Variants in FLG2 observed in about 807,000 individuals in gnomAD.
FLG2 encodes filaggrin-2.
A neutral mutation model predicts 3.9 loss-of-function variants in FLG2; 7 were observed. That is an observed-to-expected ratio of 1.79 (90% confidence interval 1.02 to 3.36). The LOEUF (loss-of-function observed/expected upper bound fraction) is 3.36. FLG2 is among the 30% of genes most tolerant of loss of function. The pLI is 0.00. For missense variants in FLG2, 2,700 were observed against 2,809.4 expected (o/e 0.96, Z 0.88); for synonymous variants, 1,031 against 1,056.1 (o/e 0.98, Z 0.46).
rs776889537 is a variant in FLG2, at chr1:152,354,543, A to T, written c.3243T>A (p.Ser1081=). 8.1e-6 allele frequency: 13 copies of T among 1,614,060 alleles called. No homozygotes were observed. The highest frequency in any genetic ancestry group is 1.1e-5 in the Non-Finnish European group (13 of 1,180,018). The change falls in exon 3 of 3, where the codon TCT becomes TCA. Residue 1081 remains serine, a synonymous_variant. Transcript: ENST00000388718. ...SRQSSYGQHG[S]GSSQSSGYGQ... is the part of the protein sequence containing the mutation. ...CATAGCCAGATGATTGACTTGAGCC[A>T]GAACCATGTTGGCCATAGCTAGACT...
At position 152,349,089 on chromosome 1, in the gene FLG2, T is replaced by C. The variant is rs1327992494; in HGVS notation, c.*1521A>G. On this transcript the variant is annotated 3_prime_UTR_variant, in exon 3 of 3. Transcript: ENST00000388718. ...CCCAACCACACAAATCTCTCTTTAT[T>C]ATATAGTTCTGAATATAGCCCCAAA... The C allele has an allele frequency of 6.6e-6, 1 of 152,190 alleles. No homozygotes were observed. Among genetic ancestry groups the C allele is most frequent in the African/African-American group, 2.4e-5 (1 of 41,442 alleles). The allele number at this position is 152,190 out of a possible 1,614,324, so 9.4% of individuals were successfully genotyped here.
At position 152,353,856 on chromosome 1, in the gene FLG2, T is replaced by C; in HGVS notation, c.3930A>G (p.Arg1310=). The change falls in exon 3 of 3, where the codon AGA becomes AGG. Residue 1310 remains arginine (R), a synonymous_variant. Coordinates refer to ENST00000388718, the MANE Select transcript of FLG2 (RefSeq NM_001014342.3). ...CTCTCTGTCCATGAGTAGTTCCTTG[T>C]CTTCTGCGAACTGTGGATCCTGACT... The part of the protein sequence containing the change: ...YPKSGSTVRR[R]QGTTHGQRGD... The C allele has an allele frequency of 6.2e-7, 1 of 1,614,190 alleles. No individual in the cohort carries two copies. The highest frequency in any genetic ancestry group is 8.5e-7 in the Non-Finnish European group (1 of 1,180,000).
In FLG2 at chr1:152,352,854, C is replaced by T; in HGVS notation, c.4932G>A (p.Arg1644=). ...GHGQSTQRGS[R]TTGRQRSSHS... ...GGCTAGATCTCTGTCTTCCAGTTGTCCTGGACCCTCTCTGTGTGGACTGTC... is the reference window on the plus strand; with the variant it reads ...GGCTAGATCTCTGTCTTCCAGTTGTTCTGGACCCTCTCTGTGTGGACTGTC... The change falls in exon 3 of 3, where the codon AGG becomes AGA. Residue 1644 remains arginine (R), a synonymous_variant. Transcript: ENST00000388718. 6.2e-7 allele frequency: 1 copy of T among 1,612,106 alleles called. No homozygotes were observed. Among genetic ancestry groups the T allele is most frequent in the Non-Finnish European group, 8.5e-7 (1 of 1,179,384 alleles).
At position 152,354,193 on chromosome 1, in the gene FLG2, T is replaced by G. The variant is rs1316544011; in HGVS notation, c.3593A>C (p.Asp1198Ala). 2 of 1,613,486 alleles carry G rather than the reference T, an allele frequency of 1.2e-6. No individual in the cohort carries two copies. The highest frequency in any genetic ancestry group is 1.3e-5 in the African/African-American group (1 of 74,746). ...NFSSSGQHISDSGQSTGFGQY... is the reference protein window; with the variant it reads ...NFSSSGQHISASGQSTGFGQY... ...GCCAAATCCAGTGGACTGACCTGAG[T>G]CAGATATATGTTGTCCAGAACTAGA... The change falls in exon 3 of 3, where the codon GAC becomes GCC. Residue 1198 changes from aspartate (D) to alanine (A), a missense_variant. By Grantham distance (126) the Asp-to-Ala change is moderately radical. Coordinates refer to ENST00000388718, the MANE Select transcript of FLG2 (RefSeq NM_001014342.3).
rs1653814251 is a variant in FLG2 at position 152,349,238 on chromosome 1, C to T, written c.*1372G>A. 1.3e-5 allele frequency: 2 copies of T among 152,068 alleles called. No individual in the cohort carries two copies. Among genetic ancestry groups the T allele is most frequent in the Admixed American group, 6.6e-5 (1 of 15,260 alleles). 9.4% of individuals were successfully genotyped at this position (152,068 alleles called of 1,614,324 possible). ...CTCGGCTCACTGCAACCTCTGCCTC[C>T]CGGGTTCAACCAATTCTCCTGCCTC... is the stretch of plus-strand genomic sequence containing the variant. On this transcript the variant is annotated 3_prime_UTR_variant, in exon 3 of 3. Transcript: ENST00000388718.
At chr1:152,357,839 CAGA>C (rs1324874119) in intron 2 of FLG2, among the ~76,000 whole-genome samples, 192 bp from the exon 3 acceptor site, 4 of 152,220 alleles carry the variant, frequency 2.6e-5, no homozygotes, top group African/African-American at 9.6e-5. Context: ...CTGGGATCCT[CAGA>C]AGAAGACATT....
chr1:152,351,799 G>C lies in FLG2; in HGVS notation c.5987C>G (p.Thr1996Ser), dbSNP rs539533778. 6.2e-7 allele frequency: 1 copy of C among 1,612,696 alleles called. No individual in the cohort carries two copies. Among genetic ancestry groups the C allele is most frequent in the Non-Finnish European group, 8.5e-7 (1 of 1,179,880 alleles). ...GGTATCTGCTGTTTGTCCATGAGTA[G>C]TTCCGTGTCTCTCATGAACTGAGGA... The part of the protein sequence containing the change: ...SGSSVHERHG[T>S]THGQTADTTR... The change falls in exon 3 of 3, where the codon ACT (threonine) becomes AGT (serine). Residue 1996 changes from threonine (T) to serine (S), a missense_variant. Transcript: ENST00000388718.
chr1:152,354,986 C>A lies in FLG2; in HGVS notation c.2800G>T (p.Gly934Cys). The A allele has an allele frequency of 2.5e-6, 4 of 1,590,010 alleles. No homozygotes were observed. Among genetic ancestry groups the A allele is most frequent in the East Asian group, 2.5e-5 (1 of 39,878 alleles). Residue 934 changes from glycine to cysteine, a missense_variant, in exon 3 of 3, where the codon GGC becomes TGC. Gly to Cys is a radical substitution (Grantham distance 159, BLOSUM62 -3). Transcript: ENST00000388718. ...GAACTTGACCCATGTTGACCATAGCCAGATGACTGACTTGAGCCAGAACCA... is the reference window on the plus strand; with the variant it reads ...GAACTTGACCCATGTTGACCATAGCAAGATGACTGACTTGAGCCAGAACCA... The part of the protein sequence containing the change: ...QHGSGSSQSS[G>C]YGQHGSSSGQ...
rs142283343 is a variant in FLG2, at chr1:152,350,815, C to A, written c.6971G>T (p.Arg2324Ile). Residue 2324 changes from arginine to isoleucine, a missense_variant, in exon 3 of 3, where the codon AGA becomes ATA. Transcript: ENST00000388718. ...ACTATGTGACTGAAAATGACTTGCT[C>A]TACTAGATCTGGAACCTGTCTGTGT... ...QSTQTGSRSSRASHFQSHSSE... is the reference protein window; with the variant it reads ...QSTQTGSRSSIASHFQSHSSE... The A allele has an allele frequency of 3.7e-6, 6 of 1,614,224 alleles. No individual in the cohort carries two copies. Among genetic ancestry groups the A allele is most frequent in the African/African-American group, 1.3e-5 (1 of 75,058 alleles).
rs1570936585 is a variant in FLG2 at position 152,351,728 on chromosome 1, A to G, written c.6058T>C (p.Ser2020Pro). 2.5e-6 allele frequency: 4 copies of G among 1,606,246 alleles called. No individual in the cohort carries two copies. The East Asian group carries it at 9.0e-5, about 36-fold the overall frequency. The part of the protein sequence containing the change: ...SGHGQSTQRG[S>P]RTTGRRASGH... ...GATGCCCTTCTTCCAGTTGTCCTGG[A>G]CCCTCTCTGTGTGGACTGTCCATGA... The change falls in exon 3 of 3, where the codon TCC (serine) becomes CCC (proline). Residue 2020 changes from serine (S) to proline (P), a missense_variant. Transcript: ENST00000388718.
In FLG2 at chr1:152,351,887, C is replaced by T. The variant is rs898090743; in HGVS notation, c.5899G>A (p.Val1967Ile). ...GTGTGTCCTGAATGTGTGTGTGAGA[C>T]CCCTGAGGGCCCTTCACTGTCACTG... ...EYSDSEGPSG[V>I]SHTHSGHTHG... The change falls in exon 3 of 3, where the codon GTC becomes ATC. Residue 1967 changes from valine to isoleucine, a missense_variant. Physicochemically the swap from Val to Ile is conservative, Grantham distance 29 (BLOSUM62 3). Transcript: ENST00000388718. 11 of 1,613,348 alleles carry T rather than the reference C, an allele frequency of 6.8e-6. No individual in the cohort carries two copies. The Admixed American group carries it at 1.0e-4, about 15-fold the overall frequency.
chr1:152,355,555 C>T lies in FLG2; in HGVS notation c.2231G>A (p.Gly744Asp), dbSNP rs1309777345. ...QHGSGSGQSSGFGQHGSGSGQ... is the reference protein window; with the variant it reads ...QHGSGSGQSSDFGQHGSGSGQ... Reference sequence around the variant, plus strand: ...TGAGCCAGACCCATGTTGTCCAAAGCCAGAGGACTGACCTGAGCCTGATCC... The same window carrying T: ...TGAGCCAGACCCATGTTGTCCAAAGTCAGAGGACTGACCTGAGCCTGATCC... The change falls in exon 3 of 3, where the codon GGC (glycine) becomes GAC (aspartate). Residue 744 changes from glycine (G) to aspartate (D), a missense_variant. Physicochemically the swap from Gly to Asp is moderately conservative, Grantham distance 94 (BLOSUM62 -1). Coordinates refer to ENST00000388718, the MANE Select transcript of FLG2 (RefSeq NM_001014342.3). 1.9e-6 allele frequency: 3 copies of T among 1,613,804 alleles called. No individual in the cohort carries two copies. Among genetic ancestry groups the T allele is most frequent in the Admixed American group, 3.3e-5 (2 of 59,980 alleles).
Position 152,353,572 on chromosome 1 carries a change from C to A in FLG2, c.4214G>T (p.Gly1405Val), listed in dbSNP as rs148922020. The A allele has an allele frequency of 6.2e-7, 1 of 1,613,296 alleles. No homozygotes were observed. Among genetic ancestry groups the A allele is most frequent in the East Asian group, 2.2e-5 (1 of 44,830 alleles). The change falls in exon 3 of 3, where the codon GGT becomes GTT. Residue 1405 changes from glycine (G) to valine (V), a missense_variant. Transcript: ENST00000388718. ...TGEATGHGHS[G>V]HGQSTQRGSR... ...CCCTCTCTGTGTGGACTGTCCATGA[C>A]CAGAGTGGCCATGTCCAGTGGCCTC...
chr1:152,355,723 G>A lies in FLG2; in HGVS notation c.2063C>T (p.Ser688Leu). ...SSGFGQHESR[S>L]GHSSYGQHGF... ...ATGTTGGCCATAGCTAGAATGACCTGATCTAGACTCATGTTGTCCAAAACC... is the reference window on the plus strand; with the variant it reads ...ATGTTGGCCATAGCTAGAATGACCTAATCTAGACTCATGTTGTCCAAAACC... The change falls in exon 3 of 3, where the codon TCA becomes TTA. Residue 688 changes from serine (S) to leucine (L), a missense_variant. By Grantham distance (145) the Ser-to-Leu change is moderately radical (BLOSUM62 -2). Coordinates refer to ENST00000388718, the MANE Select transcript of FLG2 (RefSeq NM_001014342.3). The A allele has an allele frequency of 6.2e-7, 1 of 1,613,740 alleles. No individual in the cohort carries two copies. Among genetic ancestry groups the A allele is most frequent in the African/African-American group, 1.3e-5 (1 of 74,860 alleles).
In FLG2 at chr1:152,349,570, T is replaced by C. The variant is rs1204104372; in HGVS notation, c.*1040A>G. ...TGAAAGAACAGACATATACCCTTAC[T>C]ACCAAAAGAGGAGATCATGTTAAAT... On this transcript the variant is annotated 3_prime_UTR_variant, in exon 3 of 3. Coordinates refer to ENST00000388718, the MANE Select transcript of FLG2 (RefSeq NM_001014342.3). 6.5e-6 allele frequency: 1 copy of C among 152,696 alleles called. No homozygotes were observed. Among genetic ancestry groups the C allele is most frequent in the Non-Finnish European group, 1.5e-5 (1 of 68,052 alleles). 9.5% of individuals were successfully genotyped at this position (152,696 alleles called of 1,614,324 possible). A position where few individuals can be genotyped will look rare whatever the true frequency, so the allele number is the denominator to read the frequency against.
In FLG2 at chr1:152,357,495, T is replaced by C. The variant is rs766570651; in HGVS notation, c.291A>G (p.Ser97=). 2 of 1,614,190 alleles carry C rather than the reference T, an allele frequency of 1.2e-6. No individual in the cohort carries two copies. Among genetic ancestry groups the C allele is most frequent in the South Asian group, 1.1e-5 (1 of 91,076 alleles). The change falls in exon 3 of 3, where the codon TCA becomes TCG. Residue 97 remains serine, a synonymous_variant. Transcript: ENST00000388718. ...GACCACGCCTATGCTTCTTTGACCC[T>C]GAAGCTTTGCAGTATTCTTTGCTGA... ...KVLSKEYCKA[S]GSKKHRRGHR...
Position 152,351,899 on chromosome 1 carries a change from C to T in FLG2, c.5887G>A (p.Gly1963Arg). The change falls in exon 3 of 3, where the codon GGG becomes AGG. Residue 1963 changes from glycine to arginine, a missense_variant. Gly to Arg is a moderately radical substitution (Grantham distance 125, BLOSUM62 -2). Coordinates refer to ENST00000388718, the MANE Select transcript of FLG2 (RefSeq NM_001014342.3). The part of the protein sequence containing the change: ...SGHSEYSDSE[G>R]PSGVSHTHSG... The stretch of plus-strand genomic sequence containing the variant: ...TGTGTGTGTGAGACCCCTGAGGGCC[C>T]TTCACTGTCACTGTACTCACTGTGG... 6.2e-7 allele frequency: 1 copy of T among 1,613,842 alleles called. No homozygotes were observed. The highest frequency in any genetic ancestry group is 1.1e-5 in the South Asian group (1 of 91,066).
Position 152,354,334 on chromosome 1 carries a change from G to T in FLG2, c.3452C>A (p.Ser1151Tyr). Residue 1151 changes from serine to tyrosine, a missense_variant, in exon 3 of 3, where the codon TCT becomes TAT. Ser to Tyr is a moderately radical substitution (Grantham distance 144). Coordinates refer to ENST00000388718, the MANE Select transcript of FLG2 (RefSeq NM_001014342.3). Reference protein sequence around the residue: ...FAQHEYRSGQSSYGQHGTGSS... With the variant: ...FAQHEYRSGQYSYGQHGTGSS... ...GCCAGTACCATGTTGGCCATAGCTA[G>T]ACTGACCTGATCTGTACTCATGCTG... 1 of 1,614,226 alleles carries T rather than the reference G, an allele frequency of 6.2e-7. No homozygotes were observed. Among genetic ancestry groups the T allele is most frequent in the Non-Finnish European group, 8.5e-7 (1 of 1,180,048 alleles).
In FLG2 at chr1:152,354,849, T is replaced by C; in HGVS notation, c.2937A>G (p.Ser979=). 1 of 1,603,124 alleles carries C rather than the reference T, an allele frequency of 6.2e-7. No homozygotes were observed. The highest frequency in any genetic ancestry group is 8.5e-7 in the Non-Finnish European group (1 of 1,176,360). The change falls in exon 3 of 3, where the codon TCA becomes TCG. Residue 979 remains serine (S), a synonymous_variant. Coordinates refer to ENST00000388718, the MANE Select transcript of FLG2 (RefSeq NM_001014342.3). ...GQSSGFGQHE[S]GSGKSSGFGQ... ...CAAAGCCAGAGGATTTTCCTGAGCCTGACTCATGTTGTCCAAAGCCAGAGG... is the reference window on the plus strand; with the variant it reads ...CAAAGCCAGAGGATTTTCCTGAGCCCGACTCATGTTGTCCAAAGCCAGAGG...
Sources: allele counts gnomAD v4.1 joint callset (sites outside exome capture counted in the v4.1 genomes callset), GRCh38; gene constraint gnomAD v4.1.1; transcripts MANE v1.5; gene names NCBI Gene and HGNC (gene_info 2026-07-23, HGNC 2026-07-21).